The following ITGAX variants were observed in gnomAD, a reference collection of about 807,000 sequenced individuals.
The protein encoded by ITGAX is integrin alpha-X.
Under a neutral mutation model 140.2 loss-of-function variants are expected in ITGAX, and 99 were observed. The observed-to-expected ratio is 0.71, with a 90% CI of 0.60 to 0.83. ITGAX has a LOEUF of 0.83. ITGAX is among the 40% of genes least tolerant of loss of function. ITGAX has a pLI of 0.00. For missense variants in ITGAX, 1,444 were observed against 1,482.0 expected (o/e 0.97, Z 0.42); for synonymous variants, 631 against 600.4 (o/e 1.05, Z -0.75).
rs376273425 is a variant in ITGAX at position 31,360,060 on chromosome 16, T to C, written c.702T>C (p.Asn234=). 117 of 1,610,026 alleles carry C rather than the reference T, an allele frequency of 7.3e-5. No homozygotes were observed. The East Asian group carries it at 1.8e-3, about 25-fold the overall frequency. The change falls in exon 7 of 30, where the codon AAT becomes AAC. Residue 234 remains asparagine, a synonymous_variant. Coordinates refer to ENST00000268296, the MANE Select transcript of ITGAX (RefSeq NM_000887.5). The part of the protein sequence containing the change: ...GFTYTATAIQ[N]VVHRLFHASY... The stretch of plus-strand genomic sequence containing the variant: ...CATACACGGCCACCGCCATCCAAAA[T>C]GTCGTGTGAGTCCTGATTTCTTCCA...
In ITGAX at chr16:31,359,700, A is replaced by C. The variant is rs1312257393; in HGVS notation, c.431A>C (p.Glu144Ala). Reference protein sequence around the residue: ...LTQRLPVSRQECPRQEQDIVF... With the variant: ...LTQRLPVSRQACPRQEQDIVF... ...GGACCGGTGCCACCTCCTTCCCCAG[A>C]GTGCCCAAGACAGGAGCAGGACATT... Residue 144 changes from glutamate (E) to alanine (A), a missense_variant and splice_region_variant, in exon 6 of 30, where the codon GAG (glutamate) becomes GCG (alanine). Coordinates refer to ENST00000268296, the MANE Select transcript of ITGAX (RefSeq NM_000887.5). 6.2e-7 allele frequency: 1 copy of C among 1,613,952 alleles called. No homozygotes were observed. Among genetic ancestry groups the C allele is most frequent in the Admixed American group, 1.7e-5 (1 of 60,010 alleles).
intron 14 of ITGAX, among the ~76,000 whole-genome samples, chr16:31,365,986 T>G (rs1741614538): frequency 1.3e-5 from 2 of 152,012 alleles, no homozygotes; most frequent in South Asian, 4.1e-4. Context: ...AAGAAGAGGG[T>G]GAAAGACTGT....
chr16:31,369,812 A>G (rs1021581112), intron 14 of ITGAX, among the ~76,000 whole-genome samples: 4 of 151,458 alleles, frequency 2.6e-5, no homozygotes, highest in African/African-American at 7.3e-5. Flanking sequence ...TAGAGACAGA[A>G]TCTCATCATG....
Position 31,360,292 on chromosome 16 carries a change from C to A in ITGAX, c.708-18C>A. On this transcript the variant is annotated intron_variant, in intron 7 of 29. Transcript: ENST00000268296. Reference sequence around the variant, plus strand: ...TGGTTTGGTTCACAGGCCTCTAAGACCTCTCCTTTCCTGATAGGCACCGAT... The same window carrying A: ...TGGTTTGGTTCACAGGCCTCTAAGAACTCTCCTTTCCTGATAGGCACCGAT... 6.3e-7 allele frequency: 1 copy of A among 1,597,246 alleles called. No homozygotes were observed. The highest frequency in any genetic ancestry group is 8.5e-7 in the Non-Finnish European group (1 of 1,171,658).
chr16:31,371,915 T>C (rs1410425187), intron 17 of ITGAX, 131 bp downstream of exon 17: 2 of 1,048,494 alleles, frequency 1.9e-6, no homozygotes, highest in Non-Finnish European at 2.7e-6. Context: ...AGGACGTGCT[T>C]ACTGCACGTT....
chr16:31,356,639 C>G lies in ITGAX; in HGVS notation c.158C>G (p.Ala53Gly), dbSNP rs764269268. Reference sequence around the variant, plus strand: ...TCTCCTCGCAGGGTGGTGGTTGGAGCCCCCCAAAAGATAACAGCTGCCAAC... The same window carrying G: ...TCTCCTCGCAGGGTGGTGGTTGGAGGCCCCCAAAAGATAACAGCTGCCAAC... Reference protein sequence around the residue: ...QYANSWVVVGAPQKITAANQT... With the variant: ...QYANSWVVVGGPQKITAANQT... Residue 53 changes from alanine (A) to glycine (G), a missense_variant, in exon 3 of 30, where the codon GCC becomes GGC. Transcript: ENST00000268296. The G allele has an allele frequency of 3.8e-6, 6 of 1,597,506 alleles. No homozygotes were observed. The highest frequency in any genetic ancestry group is 2.3e-5 in the East Asian group (1 of 44,332).
rs181174608 is a variant in ITGAX, at chr16:31,379,194, G to T, written c.2790-374G>T. 3.7e-3 allele frequency among the ~76,000 whole-genome samples: 559 copies of T among 151,982 alleles called. 1 individual carries two copies. The highest frequency in any genetic ancestry group is 0.013 in the African/African-American group (521 of 41,418). On this transcript the variant is annotated intron_variant, in intron 23 of 29. Transcript: ENST00000268296. ...TTCAGTGGCGTGATCTGGGCTCACT[G>T]CAACCTCTGTCCCCTGGGCTCAAAC...
intron 14 of ITGAX, among the ~76,000 whole-genome samples, chr16:31,363,694 C>A (rs2080862969): frequency 1.3e-5 from 2 of 152,256 alleles, no homozygotes; most frequent in Admixed American, 6.5e-5. Context: ...ATCTGCCTGT[C>A]TCGGCCTCCC....
intron 20 of ITGAX, among the ~76,000 whole-genome samples, chr16:31,374,158 A>AGGTGCCTGTG (rs2080998565): frequency 3.3e-5 from 5 of 152,128 alleles, no homozygotes; most frequent in Admixed American, 3.3e-4. Flanking sequence ...GTGTGGTGGC[A>AGGTGCCTGTG]GGTGCCTGTG....
intron 14 of ITGAX, among the ~76,000 whole-genome samples, chr16:31,368,207 A>G (rs1247864225): frequency 6.6e-6 from 1 of 150,754 alleles, no homozygotes; most frequent in Non-Finnish European, 1.5e-5. Context: ...AATATTGTTG[A>G]AATGACAACA....
rs201509218 is a variant in ITGAX at position 31,380,395 on chromosome 16, G to A, written c.3174+16G>A. Reference sequence around the variant, plus strand: ...GGTCCGCCAGGTGTGTGGGTGCAACGACAGAGCCCCTGCCCCAGACTCAGG... The same window carrying A: ...GGTCCGCCAGGTGTGTGGGTGCAACAACAGAGCCCCTGCCCCAGACTCAGG... On this transcript the variant is annotated intron_variant, in intron 27 of 29. Coordinates refer to ENST00000268296, the MANE Select transcript of ITGAX (RefSeq NM_000887.5). The A allele has an allele frequency of 8.1e-6, 13 of 1,613,090 alleles. No individual in the cohort carries two copies. The highest frequency in any genetic ancestry group is 2.2e-5 in the East Asian group (1 of 44,852).
At chr16:31,362,541 C>A in intron 11 of ITGAX, 70 bp from the exon 12 acceptor site, 4 of 1,515,618 alleles carry the variant, frequency 2.6e-6, no homozygotes, top group Non-Finnish European at 3.5e-6. Flanking sequence ...TGCTGTGCTG[C>A]CCGGGGTGGG....
In ITGAX at chr16:31,373,261, G is replaced by T; in HGVS notation, c.2379G>T (p.Leu793=). 3.7e-6 allele frequency: 6 copies of T among 1,612,240 alleles called. No individual in the cohort carries two copies. The highest frequency in any genetic ancestry group is 5.1e-6 in the Non-Finnish European group (6 of 1,179,178). ...ISFSFPGLKS[L]LVGSNLELNA... Reference sequence around the variant, plus strand: ...ACCTGATACCCAGCTTGAAGTCCCTGCTGGTGGGGAGTAACCTGGAGCTGA... The same window carrying T: ...ACCTGATACCCAGCTTGAAGTCCCTTCTGGTGGGGAGTAACCTGGAGCTGA... Residue 793 remains leucine, a synonymous_variant, in exon 20 of 30, where the codon CTG becomes CTT. Coordinates refer to ENST00000268296, the MANE Select transcript of ITGAX (RefSeq NM_000887.5).
At chr16:31,364,270 A>T (rs1412294428) in intron 14 of ITGAX, among the ~76,000 whole-genome samples, 1 of 151,880 alleles carries the variant, frequency 6.6e-6, no homozygotes, top group Non-Finnish European at 1.5e-5. Context: ...AAAAAATTTT[A>T]AAAATTAGGC....
At chr16:31,370,375 A>G (rs2080942721) in intron 14 of ITGAX, among the ~76,000 whole-genome samples, 2 of 152,110 alleles carry the variant, frequency 1.3e-5, no homozygotes. Flanking sequence ...TCTACAGGGG[A>G]GGCAGTGCCT....
intron 23 of ITGAX, among the ~76,000 whole-genome samples, chr16:31,378,942 A>G (rs1317913758): frequency 6.6e-6 from 1 of 151,886 alleles, no homozygotes; most frequent in African/African-American, 2.4e-5. Flanking sequence ...CAGCCTCCCA[A>G]GTAGCTGGGA....
Position 31,377,315 on chromosome 16 carries a change from AAAAG to A in ITGAX, c.2789+54_2789+57del. On this transcript the variant is annotated intron_variant, in intron 23 of 29. Coordinates refer to ENST00000268296, the MANE Select transcript of ITGAX (RefSeq NM_000887.5). ...AAAAGGGTTCTTCTCTCTGACCTCA[AAAAG>A]AAAAAAAAAAAAAGGCCTTGAAACG... The A allele has an allele frequency of 4.3e-6, 6 of 1,392,274 alleles. No individual in the cohort carries two copies. In the African/African-American group the frequency reaches 5.8e-5, roughly 13 times the overall value. The allele number at this position is 1,392,274 out of a possible 1,614,324, so 86.2% of individuals were successfully genotyped here.
intron 7 of ITGAX, 27 bp downstream of exon 7, chr16:31,360,092 G>C (rs1243539659): frequency 6.2e-7 from 1 of 1,605,860 alleles, no homozygotes; most frequent in Admixed American, 1.7e-5. Flanking sequence ...TCCAGGCACA[G>C]TCCCAAAGCA....
rs558222544 is a variant in ITGAX at position 31,357,303 on chromosome 16, C to A, written c.369C>A (p.Thr123=). ...AGTGCGGGAGGAACATGTACCTCAC[C>A]GGACTCTGCTTCCTCCTGGGCCCCA... is the stretch of plus-strand genomic sequence containing the variant. The part of the protein sequence containing the change: ...HHECGRNMYL[T]GLCFLLGPTQ... The change falls in exon 5 of 30, where the codon ACC becomes ACA. Residue 123 remains threonine (T), a synonymous_variant. Coordinates refer to ENST00000268296, the MANE Select transcript of ITGAX (RefSeq NM_000887.5). The A allele has an allele frequency of 1.1e-5, 17 of 1,608,676 alleles. No homozygotes were observed. The highest frequency in any genetic ancestry group is 1.4e-5 in the Non-Finnish European group (16 of 1,178,310).
Sources: gnomAD v4.1 joint callset for allele counts (sites outside exome capture counted in the v4.1 genomes callset) on GRCh38, gnomAD v4.1.1 for gene constraint, MANE v1.5 for transcripts, NCBI Gene and HGNC (gene_info 2026-07-23, HGNC 2026-07-21) for gene names.